Variants in PZP observed in about 807,000 individuals in gnomAD.
The protein encoded by PZP is pregnancy zone protein.
In PZP, 150 loss-of-function variants were observed where a neutral mutation model predicts 179.8. The ratio of observed to expected loss-of-function variants is 0.83; its 90% confidence interval spans 0.73 to 0.96. The LOEUF (loss-of-function observed/expected upper bound fraction) is 0.96, where lower values mean the gene tolerates loss of function less well. Ranked by LOEUF, PZP falls within the 40% of genes least tolerant of loss-of-function variation. The pLI is 0.00. For synonymous variants in PZP, 624 were observed against 652.3 expected, an observed-to-expected ratio of 0.96 and a Z score of 0.66; for missense variants, 1,689 against 1,764.0, an observed-to-expected ratio of 0.96 and a Z score of 0.76.
chr12:9,191,262 C>T (rs1943440080), intron 13 of PZP, among the ~76,000 whole-genome samples: 1 of 151,884 alleles, frequency 6.6e-6, no homozygotes, highest in African/African-American at 2.4e-5. Context: ...ATACATAGAC[C>T]AGTATTAGAA....
chr12:9,194,565 C>G (rs144798077), intron 10 of PZP, among the ~76,000 whole-genome samples: 4 of 151,128 alleles, frequency 2.6e-5, no homozygotes, highest in Middle Eastern at 3.4e-3. Context: ...CCTGGACTCA[C>G]GCCATTCTCC....
intron 13 of PZP, 106 bp from the exon 14 acceptor site, chr12:9,182,223 G>A: frequency 9.2e-7 from 1 of 1,086,180 alleles, no homozygotes; most frequent in Non-Finnish European, 1.2e-6. Flanking sequence ...CTTGAGAACT[G>A]CGTCCATTCA....
At chr12:9,144,197 CAG>C (rs1033107696), downstream of PZP, among the ~76,000 whole-genome samples, 2 of 151,618 alleles carry the variant, frequency 1.3e-5, no homozygotes, top group Non-Finnish European at 2.9e-5. Flanking sequence ...CAGAGAGAGA[CAG>C]AGAGAAAGGA....
At position 9,200,370 on chromosome 12, in the gene PZP, CA is replaced by C; in HGVS notation, c.748del (p.Cys250ValfsTer16). 1 of 1,601,866 alleles carries C rather than the reference CA, an allele frequency of 6.2e-7. No homozygotes were observed. The highest frequency in any genetic ancestry group is 1.3e-5 in the African/African-American group (1 of 74,718). ...IMDEKVNITV[C>X]GEYTYGKPVP... is the part of the protein sequence containing the mutation. ...TAAAAACAATGTAACTCACTCTCCA[CA>C]GACTGTTATGTTCACTTTTTCATCC... On this transcript the variant is annotated frameshift_variant, in exon 7 of 36. Transcript: ENST00000261336. LOFTEE classifies it high-confidence loss of function.
At chr12:9,182,934 C>A (rs1432382130) in intron 13 of PZP, among the ~76,000 whole-genome samples, 1 of 152,186 alleles carries the variant, frequency 6.6e-6, no homozygotes, top group Non-Finnish European at 1.5e-5. Context: ...CCTCCTGTCC[C>A]AGATTCCCAG....
At chr12:9,175,825 G>A (rs10843044) in intron 15 of PZP, among the ~76,000 whole-genome samples, 90,286 of 151,342 alleles carry the variant, frequency 0.6, 27,753 homozygotes, top group East Asian at 0.83. Flanking sequence ...TGATGAGGTT[G>A]CAGAGAAAAA....
At chr12:9,173,597 G>GA (rs1455479392) in intron 15 of PZP, among the ~76,000 whole-genome samples, 19 of 151,730 alleles carry the variant, frequency 1.3e-4, no homozygotes, top group African/African-American at 2.7e-4. Context: ...TAATAAAGAA[G>GA]AAAAAAAGAA....
Position 9,151,617 on chromosome 12 carries a change from A to G in PZP, c.4268T>C (p.Ile1423Thr), listed in dbSNP as rs1174933879. 6.2e-7 allele frequency: 1 copy of G among 1,613,744 alleles called. No individual in the cohort carries two copies. The highest frequency in any genetic ancestry group is 1.3e-5 in the African/African-American group (1 of 74,920). The change falls in exon 33 of 36, where the codon ATT becomes ACT. Residue 1423 changes from isoleucine (I) to threonine (T), a missense_variant. This residue lies in a region of PZP where 746 missense variants were observed against 749.2 expected (regional missense o/e 1.00). Transcript: ENST00000261336. ...CAGAGCCCTCACCTGTTCCACATAA[A>G]TGAGGACATGGTTGTTGCTCACTTC... ...RTEVSNNHVLIYVEQVTNQTL... is the reference protein window; with the variant it reads ...RTEVSNNHVLTYVEQVTNQTL...
intron 1 of PZP, among the ~76,000 whole-genome samples, chr12:9,206,214 T>G (rs912248734): frequency 6.6e-6 from 1 of 151,764 alleles, no homozygotes; most frequent in Non-Finnish European, 1.5e-5. Flanking sequence ...ATCAAAAAAT[T>G]TTTCCTTTAG....
At chr12:9,192,147 A>C in intron 13 of PZP, 46 bp downstream of exon 13, 3 of 1,495,016 alleles carry the variant, frequency 2.0e-6, no homozygotes, top group Non-Finnish European at 2.8e-6. Flanking sequence ...GGGAAGGGTA[A>C]GGATGTGTTA....
Position 9,182,132 on chromosome 12 carries a change from G to GAGTGAGACAAAATGGTAATA in PZP, c.1547-16_1547-15insTATTACCATTTTGTCTCACT. On this transcript the variant is annotated splice_polypyrimidine_tract_variant and intron_variant, in intron 13 of 35. Transcript: ENST00000261336. Reference sequence around the variant, plus strand: ...ACTGCCTTTCACTGGAACATGGAGAGAGTGAGACAAAATGGTCATAAGTGA... The same window carrying GAGTGAGACAAAATGGTAATA: ...ACTGCCTTTCACTGGAACATGGAGAGAGTGAGACAAAATGGTAATAAGTGAGACAAAATGGTCATAAGTGA... 1 of 1,554,326 alleles carries GAGTGAGACAAAATGGTAATA rather than the reference G, an allele frequency of 6.4e-7. No homozygotes were observed. Among genetic ancestry groups the GAGTGAGACAAAATGGTAATA allele is most frequent in the Non-Finnish European group, 8.7e-7 (1 of 1,146,644 alleles).
In PZP at chr12:9,154,664, C is replaced by T. The variant is rs749501394; in HGVS notation, c.3726G>A (p.Lys1242=). 1.9e-6 allele frequency: 3 copies of T among 1,614,186 alleles called. No individual in the cohort carries two copies. The highest frequency in any genetic ancestry group is 1.7e-6 in the Non-Finnish European group (2 of 1,180,028). ...GDLTSATNIV[K]WIMKQQNAQG... ...GGGCGTTCTGCTGCTTCATGATCCA[C>T]TTCACAATGTTAGTTGCAGAGGTCA... The change falls in exon 29 of 36, where the codon AAG becomes AAA. Residue 1242 remains lysine, a synonymous_variant. Transcript: ENST00000261336.
chr12:9,164,578 G>A (rs1035262022), intron 19 of PZP, among the ~76,000 whole-genome samples: 1 of 152,130 alleles, frequency 6.6e-6, no homozygotes, highest in Admixed American at 6.5e-5. Flanking sequence ...GATTTTCATA[G>A]TTTCTTCCTT....
In PZP at chr12:9,166,150, A is replaced by G. The variant is rs1049836716; in HGVS notation, c.2160T>C (p.Asn720=). 4 of 1,613,834 alleles carry G rather than the reference A, an allele frequency of 2.5e-6. No individual in the cohort carries two copies. Among genetic ancestry groups the G allele is most frequent in the African/African-American group, 2.7e-5 (2 of 74,930 alleles). ...RPYVPQLGTY[N]VIPLNNEQSS... Reference sequence around the variant, plus strand: ...TTTGTTCATTATTTAAGGGTATCACATTATATGTGCCTAATTGAGGAACAT... The same window carrying G: ...TTTGTTCATTATTTAAGGGTATCACGTTATATGTGCCTAATTGAGGAACAT... Residue 720 remains asparagine, a synonymous_variant, in exon 18 of 36, where the codon AAT becomes AAC. Coordinates refer to ENST00000261336, the MANE Select transcript of PZP (RefSeq NM_002864.3).
At chr12:9,207,832 C>T (rs982759660) in intron 1 of PZP, among the ~76,000 whole-genome samples, 1 of 152,112 alleles carries the variant, frequency 6.6e-6, no homozygotes, top group African/African-American at 2.4e-5. Flanking sequence ...TGCTTTGGTC[C>T]CCCACTGGGG....
At chr12:9,161,330 G>A (rs1941189351) in intron 22 of PZP, among the ~76,000 whole-genome samples, 1 of 152,198 alleles carries the variant, frequency 6.6e-6, no homozygotes, top group South Asian at 2.1e-4. Flanking sequence ...ACGAATGTGA[G>A]CAATTGTTAT....
the PZP span, among the ~76,000 whole-genome samples, chr12:9,138,699 T>C: frequency 6.6e-6 from 1 of 152,112 alleles, no homozygotes; most frequent in Non-Finnish European, 1.5e-5. Flanking sequence ...CTGTTCAAAC[T>C]TTCTTGATTT....
the PZP span, among the ~76,000 whole-genome samples, chr12:9,141,953 C>G: frequency 6.6e-6 from 1 of 152,168 alleles, no homozygotes; most frequent in Non-Finnish European, 1.5e-5. Context: ...TTTTATAAAG[C>G]ATTCAGGAGT....
At chr12:9,202,950 A>G (rs1372748090) in intron 2 of PZP, among the ~76,000 whole-genome samples, 4 of 152,208 alleles carry the variant, frequency 2.6e-5, no homozygotes, top group African/African-American at 7.2e-5. Flanking sequence ...GAGTATGTAT[A>G]TTCTGAAGCA....
Sources: gnomAD v4.1 joint callset for allele counts (sites outside exome capture counted in the v4.1 genomes callset) on GRCh38, gnomAD v4.1.1 for gene constraint, gnomAD v4.1.1 regional missense constraint, MANE v1.5 for transcripts, NCBI Gene and HGNC (gene_info 2026-07-23, HGNC 2026-07-21) for gene names.